PCDHGA2: variants seen among roughly 807,000 people sequenced by gnomAD.
The protein encoded by PCDHGA2 is protocadherin gamma subfamily A, 2.
Under a neutral mutation model 59.2 loss-of-function variants are expected in PCDHGA2, and 40 were observed. The ratio of observed to expected loss-of-function variants is 0.68; its 90% confidence interval spans 0.52 to 0.88. The LOEUF is 0.88. Ranked by LOEUF, PCDHGA2 falls within the 40% of genes least tolerant of loss-of-function variation. PCDHGA2 has a pLI of 0.00. For synonymous variants in PCDHGA2, 560 were observed against 526.0 expected, an observed-to-expected ratio of 1.06 and a Z score of -0.89; for missense variants, 1,226 against 1,204.0, an observed-to-expected ratio of 1.02 and a Z score of -0.27.
At position 141,351,166 on chromosome 5, in the gene PCDHGA2, A is replaced by G. The variant is rs530140667; in HGVS notation, c.2424+9771A>G. The G allele has an allele frequency of 2.5e-6, 4 of 1,614,052 alleles. No homozygotes were observed. The East Asian group carries it at 6.7e-5, about 27-fold the overall frequency. On this transcript the variant is annotated intron_variant, in intron 1 of 3. Transcript: ENST00000394576. ...CTGGCGACATCACAACCAATGGCACATTGGATTTTGAAGAGACAAGTAGAT... is the reference window on the plus strand; with the variant it reads ...CTGGCGACATCACAACCAATGGCACGTTGGATTTTGAAGAGACAAGTAGAT...
chr5:141,463,938 T>A (rs1378018670), intron 1 of PCDHGA2, among the ~76,000 whole-genome samples: 3 of 152,168 alleles, frequency 2.0e-5, no homozygotes, highest in Non-Finnish European at 4.4e-5. Context: ...TATAAATTTA[T>A]AGAAATCTTC....
chr5:141,385,104 G>A, intron 1 of PCDHGA2: 1 of 1,614,192 alleles, frequency 6.2e-7, no homozygotes, highest in Non-Finnish European at 8.5e-7. Flanking sequence ...TGGCGAACGT[G>A]CCCACCTCGC....
intron 1 of PCDHGA2, chr5:141,365,152 C>A: frequency 6.2e-7 from 1 of 1,613,880 alleles, no homozygotes; most frequent in Non-Finnish European, 8.5e-7. Flanking sequence ...AGGGAATAAA[C>A]GGGAAATTGA....
intron 1 of PCDHGA2, chr5:141,479,417 T>A (rs2099495481): frequency 6.6e-6 from 1 of 152,210 alleles, no homozygotes; most frequent in Non-Finnish European, 1.5e-5. Context: ...ACTATGCTGA[T>A]CAATTGATCA....
At chr5:141,385,097 C>G in intron 1 of PCDHGA2, 1 of 1,614,192 alleles carries the variant, frequency 6.2e-7, no homozygotes, top group Non-Finnish European at 8.5e-7. Context: ...GGTGGCTTGG[C>G]GAACGTGCCC....
chr5:141,432,649 A>C lies in PCDHGA2; in HGVS notation c.2425-62158A>C, dbSNP rs769351399. The C allele has an allele frequency of 5.6e-6, 9 of 1,613,742 alleles. No individual in the cohort carries two copies. The highest frequency in any genetic ancestry group is 6.8e-6 in the Non-Finnish European group (8 of 1,179,918). ...ACACGGGCGAGGTGCGCACGGCGCG[A>C]GCCCTGCTGGACAGAGACGCGCTCA... is the stretch of plus-strand genomic sequence containing the variant. On this transcript the variant is annotated intron_variant, in intron 1 of 3. Transcript: ENST00000394576. This position sits in a 1 kb window ranked among gnomAD's most constrained non-coding sequence, Gnocchi z 6.0.
At chr5:141,376,684 T>TTTTTTTTTTG in intron 1 of PCDHGA2, 1 of 809,294 alleles carries the variant, frequency 1.2e-6, no homozygotes, top group African/African-American at 1.9e-5. Flanking sequence ...TCGTTTTTTT[T>TTTTTTTTTTG]TTTTTTTTTT....
intron 1 of PCDHGA2, among the ~76,000 whole-genome samples, chr5:141,444,242 G>A (rs964582042): frequency 7.5e-6 from 1 of 133,896 alleles, no homozygotes; most frequent in Non-Finnish European, 1.5e-5. Flanking sequence ...CATGCTCTCG[G>A]CTCACTGCAA....
chr5:141,393,414 G>C lies in PCDHGA2; in HGVS notation c.2424+52019G>C, dbSNP rs199973289. 738 of 1,614,038 alleles carry C rather than the reference G, an allele frequency of 4.6e-4. No individual in the cohort carries two copies. The highest frequency in any genetic ancestry group is 5.2e-4 in the Non-Finnish European group (617 of 1,179,898). Reference sequence around the variant, plus strand: ...AGAGCTGGTGCTGGAGCGCGCCCTGGACAGGGAGGAAGAGGCTGCTCACCA... The same window carrying C: ...AGAGCTGGTGCTGGAGCGCGCCCTGCACAGGGAGGAAGAGGCTGCTCACCA... On this transcript the variant is annotated intron_variant, in intron 1 of 3. Coordinates refer to ENST00000394576, the MANE Select transcript of PCDHGA2 (RefSeq NM_018915.4).
At chr5:141,394,300 T>G (rs753637808) in intron 1 of PCDHGA2, 2 of 1,613,820 alleles carry the variant, frequency 1.2e-6, no homozygotes, top group African/African-American at 2.7e-5. Context: ...GAGGACACGC[T>G]GCAGGGGGCG....
intron 1 of PCDHGA2, chr5:141,376,282 G>A: frequency 6.2e-7 from 1 of 1,614,214 alleles, no homozygotes; most frequent in Non-Finnish European, 8.5e-7. Context: ...GTGGCTTAGC[G>A]AGCATGCCCG....
intron 2 of PCDHGA2, among the ~76,000 whole-genome samples, chr5:141,496,411 CT>C (rs1266082660): frequency 6.6e-6 from 1 of 152,190 alleles, no homozygotes; most frequent in African/African-American, 2.4e-5. Context: ...TGGTTGAGTA[CT>C]TGCTGTCCAC....
Position 141,491,895 on chromosome 5 carries a change from A to G in PCDHGA2, c.2425-2912A>G. On this transcript the variant is annotated intron_variant, in intron 1 of 3. Transcript: ENST00000394576. This position sits in a 1 kb window ranked among gnomAD's most constrained non-coding sequence, Gnocchi z 6.9. Reference sequence around the variant, plus strand: ...CCGATTAAGGGATGGGGCTCCGAGCACCGGGGGTGGTGGCGACTGTGGGCG... The same window carrying G: ...CCGATTAAGGGATGGGGCTCCGAGCGCCGGGGGTGGTGGCGACTGTGGGCG... 7.0e-7 allele frequency: 1 copy of G among 1,434,306 alleles called. No homozygotes were observed. The highest frequency in any genetic ancestry group is 9.2e-7 in the Non-Finnish European group (1 of 1,084,904). 88.8% of individuals were successfully genotyped at this position (1,434,306 alleles called of 1,614,324 possible). A position where few individuals can be genotyped will look rare whatever the true frequency, so the allele number is the denominator to read the frequency against.
chr5:141,382,683 G>C, intron 1 of PCDHGA2: 1 of 444,266 alleles, frequency 2.3e-6, no homozygotes, highest in Non-Finnish European at 4.0e-6. Flanking sequence ...ACCAACCAGG[G>C]AAAAATGGTG....
chr5:141,385,368 T>TG, intron 1 of PCDHGA2: 4 of 1,535,720 alleles, frequency 2.6e-6, no homozygotes, highest in Non-Finnish European at 3.5e-6. Flanking sequence ...TTTATTTGCA[T>TG]GATATTTCTC....
chr5:141,436,921 C>T lies in PCDHGA2; in HGVS notation c.2425-57886C>T, dbSNP rs73794904. Among the ~76,000 whole-genome samples the T allele has an allele frequency of 9.3e-3, 1,413 of 152,246 alleles. 25 individuals carry two copies. The highest frequency in any genetic ancestry group is 0.032 in the African/African-American group (1,313 of 41,572). On this transcript the variant is annotated intron_variant, in intron 1 of 3. Coordinates refer to ENST00000394576, the MANE Select transcript of PCDHGA2 (RefSeq NM_018915.4). ...ATATGAGACAATTTTGTGAGTGTTA[C>T]TTTTTCTTTGTCTGAACCATAGTGA...
chr5:141,432,343 G>C lies in PCDHGA2; in HGVS notation c.2425-62464G>C, dbSNP rs1174646711. 3 of 1,614,130 alleles carry C rather than the reference G, an allele frequency of 1.9e-6. No homozygotes were observed. On this transcript the variant is annotated intron_variant, in intron 1 of 3. Coordinates refer to ENST00000394576, the MANE Select transcript of PCDHGA2 (RefSeq NM_018915.4). This position sits in a 1 kb window ranked among gnomAD's most constrained non-coding sequence, Gnocchi z 6.0. ...TCGACTACGAGCAGTTCCGAGACTTGCAAGTGAAAGTGATGGCGCGGGACA... is the reference window on the plus strand; with the variant it reads ...TCGACTACGAGCAGTTCCGAGACTTCCAAGTGAAAGTGATGGCGCGGGACA...
intron 1 of PCDHGA2, chr5:141,410,592 T>C: frequency 1.2e-6 from 2 of 1,609,264 alleles, no homozygotes; most frequent in Non-Finnish European, 1.7e-6. Context: ...GGGGAGGATT[T>C]GACTTCACAT....
chr5:141,409,023 A>G, intron 1 of PCDHGA2: 4 of 1,614,044 alleles, frequency 2.5e-6, no homozygotes, highest in Non-Finnish European at 3.4e-6. Flanking sequence ...GAGGGGGTCA[A>G]TGCTGAGATA....
Sources: allele counts gnomAD v4.1 joint callset (sites outside exome capture counted in the v4.1 genomes callset), GRCh38; gene constraint gnomAD v4.1.1; non-coding constraint Gnocchi (gnomAD v3.1); transcripts MANE v1.5; gene names NCBI Gene and HGNC (gene_info 2026-07-23, HGNC 2026-07-21).